Variants in ENTPD8 observed in about 807,000 individuals in gnomAD.
ENTPD8 encodes the protein ectonucleoside triphosphate diphosphohydrolase 8, also known as E-NTPDase 8.
In ENTPD8, 35 loss-of-function variants were observed where a neutral mutation model predicts 47.0. That is an observed-to-expected ratio of 0.75 (90% CI 0.57 to 0.99). ENTPD8 has a LOEUF of 0.99. Among genes scored for constraint, ENTPD8 ranks in the 50% least tolerant of loss-of-function variants. The pLI is 0.00. For missense variants in ENTPD8, 668 were observed against 649.9 expected (o/e 1.03, Z -0.30); for synonymous variants, 308 against 290.5 (o/e 1.06, Z -0.61).
In ENTPD8 at chr9:137,436,747, G is replaced by A. The variant is rs1839374470; in HGVS notation, c.560C>T (p.Ser187Phe). ...AGGCTGGATCCATTCTCCAGTGAAG[G>A]AGTACTGGGCACAGAAGGGGCCACT... ...NYGLGTLVKY[S>F]FTGEWIQPPE... The change falls in exon 6 of 10, where the codon TCC becomes TTC. Residue 187 changes from serine (S) to phenylalanine (F), a missense_variant. Ser to Phe is a radical substitution (Grantham distance 155). Coordinates refer to ENST00000371506, the MANE Select transcript of ENTPD8 (RefSeq NM_001033113.2). 1 of 1,605,260 alleles carries A rather than the reference G, an allele frequency of 6.2e-7. No individual in the cohort carries two copies. Among genetic ancestry groups the A allele is most frequent in the Non-Finnish European group, 8.5e-7 (1 of 1,176,070 alleles).
rs1398420058 is a variant in ENTPD8, at chr9:137,438,096, G to A, written c.127-12C>T. ...AACACGATCCCAAACTGGGGAGACA[G>A]TGGGATGAGTGGGAGGCAACACCTG... is the stretch of plus-strand genomic sequence containing the variant. On this transcript the variant is annotated splice_polypyrimidine_tract_variant and intron_variant, in intron 2 of 9. Coordinates refer to ENST00000371506, the MANE Select transcript of ENTPD8 (RefSeq NM_001033113.2). The surrounding 1 kb of genome is among the most constrained non-coding windows in gnomAD (Gnocchi z 5.7). 1 of 1,612,468 alleles carries A rather than the reference G, an allele frequency of 6.2e-7. No individual in the cohort carries two copies.
chr9:137,436,548 C>G lies in ENTPD8; in HGVS notation c.759G>C (p.Leu253=). The G allele has an allele frequency of 6.2e-7, 1 of 1,611,114 alleles. No individual in the cohort carries two copies. The highest frequency in any genetic ancestry group is 8.5e-7 in the Non-Finnish European group (1 of 1,179,460). Reference sequence around the variant, plus strand: ...GTACCAGCCCCACGAGGAGCCTGCTCAGCATCTGGTCCCGTCCAAAGCACA... The same window carrying G: ...GTACCAGCCCCACGAGGAGCCTGCTGAGCATCTGGTCCCGTCCAAAGCACA... ...SYLCFGRDQM[L]SRLLVGLVQS... The change falls in exon 6 of 10, where the codon CTG becomes CTC. Residue 253 remains leucine, a synonymous_variant. Coordinates refer to ENST00000371506, the MANE Select transcript of ENTPD8 (RefSeq NM_001033113.2).
chr9:137,434,851 A>T lies in ENTPD8; in HGVS notation c.*63T>A. 6.7e-7 allele frequency: 1 copy of T among 1,498,536 alleles called. No individual in the cohort carries two copies. The highest frequency in any genetic ancestry group is 8.9e-7 in the Non-Finnish European group (1 of 1,121,984). 92.8% of individuals were successfully genotyped at this position (1,498,536 alleles called of 1,614,324 possible). A position where few individuals can be genotyped will look rare whatever the true frequency, so the allele number is the denominator to read the frequency against. ...GCCCCACGGCGCTCAGGGCTCAGGA[A>T]GCCTCCAGCATCCGGGACGCAGCTG... On this transcript the variant is annotated 3_prime_UTR_variant, in exon 10 of 10. Transcript: ENST00000371506.
chr9:137,435,773 G>T lies in ENTPD8; in HGVS notation c.1107C>A (p.Pro369=). ...AGATGGTGGCGTTGACCGTGCTCAG[G>T]GGCTGCCTGGAGGTGAGGTTCAGGA... The part of the protein sequence containing the change: ...FHFLNLTSRQ[P]LSTVNATIWE... Residue 369 remains proline (P), a synonymous_variant, in exon 8 of 10, where the codon CCC becomes CCA. Transcript: ENST00000371506. 1 of 1,613,626 alleles carries T rather than the reference G, an allele frequency of 6.2e-7. No individual in the cohort carries two copies. Among genetic ancestry groups the T allele is most frequent in the South Asian group, 1.1e-5 (1 of 91,020 alleles).
In ENTPD8 at chr9:137,437,327, G is replaced by A. The variant is rs762446766; in HGVS notation, c.245-18C>T. The A allele has an allele frequency of 6.2e-7, 1 of 1,604,958 alleles. No homozygotes were observed. Among genetic ancestry groups the A allele is most frequent in the Non-Finnish European group, 8.5e-7 (1 of 1,175,020 alleles). ...TCCAGGCCCTGGAACAGCAGCCGGGGACAGAGCTCCAGACCCCGCAGGCTG... is the reference window on the plus strand; with the variant it reads ...TCCAGGCCCTGGAACAGCAGCCGGGAACAGAGCTCCAGACCCCGCAGGCTG... On this transcript the variant is annotated intron_variant, in intron 3 of 9. Transcript: ENST00000371506.
Position 137,435,265 on chromosome 9 carries a change from AG to A in ENTPD8, c.1234del (p.Leu412SerfsTer35), listed in dbSNP as rs1839310055. Reference protein sequence around the residue: ...YCASGLYILTLLHEGYGFSEE... With the variant: ...YCASGLYILTXLHEGYGFSEE... ...GCTGAACCCGTAGCCCTCGTGCAGG[AG>A]GGTGAGGATGTACAGGCCTGAGGCA... On this transcript the variant is annotated frameshift_variant, in exon 9 of 10. Coordinates refer to ENST00000371506, the MANE Select transcript of ENTPD8 (RefSeq NM_001033113.2). LOFTEE classifies it high-confidence loss of function. 2 of 1,612,378 alleles carry A rather than the reference AG, an allele frequency of 1.2e-6. No homozygotes were observed. Among genetic ancestry groups the A allele is most frequent in the African/African-American group, 2.7e-5 (2 of 74,900 alleles).
At position 137,434,637 on chromosome 9, in the gene ENTPD8, C is replaced by A; in HGVS notation, c.*277G>T. The A allele has an allele frequency of 1.7e-6, 1 of 593,976 alleles. No individual in the cohort carries two copies. The highest frequency in any genetic ancestry group is 2.9e-6 in the Non-Finnish European group (1 of 344,210). The allele number at this position is 593,976 out of a possible 1,614,324, so 36.8% of individuals were successfully genotyped here. On this transcript the variant is annotated 3_prime_UTR_variant, in exon 10 of 10. Coordinates refer to ENST00000371506, the MANE Select transcript of ENTPD8 (RefSeq NM_001033113.2). Reference sequence around the variant, plus strand: ...AGCATGTGGCCCTGCAGTCACACAGCCTGGAGACACCACGAGTCCTGGCGG... The same window carrying A: ...AGCATGTGGCCCTGCAGTCACACAGACTGGAGACACCACGAGTCCTGGCGG...
chr9:137,435,670 G>T, intron 8 of ENTPD8, 49 bp downstream of exon 8: 1 of 1,539,268 alleles, frequency 6.5e-7, no homozygotes, highest in Non-Finnish European at 9.0e-7. Context: ...AGGCAGCCCT[G>T]TACCCTCAGG....
At chr9:137,437,944 G>C (rs200099005) in intron 3 of ENTPD8, 23 bp downstream of exon 3, 28 of 1,591,638 alleles carry the variant, frequency 1.8e-5, no homozygotes, top group Non-Finnish European at 2.1e-5. Flanking sequence ...TCCCAGCACC[G>C]GGCTGCAGAA....
In ENTPD8 at chr9:137,435,786, G is replaced by A; in HGVS notation, c.1094C>T (p.Thr365Ile). Residue 365 changes from threonine (T) to isoleucine (I), a missense_variant, in exon 8 of 10, where the codon ACC (threonine) becomes ATC (isoleucine). Physicochemically the swap from Thr to Ile is moderately conservative, Grantham distance 89 (BLOSUM62 -1). Coordinates refer to ENST00000371506, the MANE Select transcript of ENTPD8 (RefSeq NM_001033113.2). ...FYYTFHFLNLTSRQPLSTVNA... is the reference protein window; with the variant it reads ...FYYTFHFLNLISRQPLSTVNA... ...GACCGTGCTCAGGGGCTGCCTGGAG[G>A]TGAGGTTCAGGAAGTGGAAGGTGTA... 6.2e-7 allele frequency: 1 copy of A among 1,613,670 alleles called. No homozygotes were observed. The highest frequency in any genetic ancestry group is 1.1e-5 in the South Asian group (1 of 91,022).
Position 137,434,432 on chromosome 9 carries a change from AG to A in ENTPD8, c.*481del, listed in dbSNP as rs1839277598. The A allele has an allele frequency of 2.0e-6, 3 of 1,485,108 alleles. No individual in the cohort carries two copies. The highest frequency in any genetic ancestry group is 1.8e-6 in the Non-Finnish European group (2 of 1,113,700). The allele number at this position is 1,485,108 out of a possible 1,614,324, so 92.0% of individuals were successfully genotyped here. Reference sequence around the variant, plus strand: ...GTCTCACCCTCCAAGTGGGTGTGGGAGGCCGGGCTGGCCCAGCAGAAGCCCC... The same window carrying A: ...GTCTCACCCTCCAAGTGGGTGTGGGAGCCGGGCTGGCCCAGCAGAAGCCCC... On this transcript the variant is annotated 3_prime_UTR_variant, in exon 10 of 10. Coordinates refer to ENST00000371506, the MANE Select transcript of ENTPD8 (RefSeq NM_001033113.2).
In ENTPD8 at chr9:137,435,240, G is replaced by T; in HGVS notation, c.1260C>A (p.Ser420Arg). The change falls in exon 9 of 10, where the codon AGC (serine) becomes AGA (arginine). Residue 420 changes from serine (S) to arginine (R), a missense_variant. Coordinates refer to ENST00000371506, the MANE Select transcript of ENTPD8 (RefSeq NM_001033113.2). ...ACTCGAGGCTGGGCCAGGTCTCCTC[G>T]CTGAACCCGTAGCCCTCGTGCAGGA... is the stretch of plus-strand genomic sequence containing the variant. The part of the protein sequence containing the change: ...LTLLHEGYGF[S>R]EETWPSLEFR... 1.9e-6 allele frequency: 3 copies of T among 1,612,114 alleles called. No homozygotes were observed. Among genetic ancestry groups the T allele is most frequent in the African/African-American group, 2.7e-5 (2 of 75,042 alleles).
rs1839419662 is a variant in ENTPD8, at chr9:137,438,103, G to A, written c.127-19C>T. 4 of 1,612,244 alleles carry A rather than the reference G, an allele frequency of 2.5e-6. No homozygotes were observed. Among genetic ancestry groups the A allele is most frequent in the Non-Finnish European group, 3.4e-6 (4 of 1,179,540 alleles). ...TCCCAAACTGGGGAGACAGTGGGATGAGTGGGAGGCAACACCTGTGGACCC... is the reference window on the plus strand; with the variant it reads ...TCCCAAACTGGGGAGACAGTGGGATAAGTGGGAGGCAACACCTGTGGACCC... On this transcript the variant is annotated intron_variant, in intron 2 of 9. Coordinates refer to ENST00000371506, the MANE Select transcript of ENTPD8 (RefSeq NM_001033113.2). The surrounding 1 kb of genome is among the most constrained non-coding windows in gnomAD (Gnocchi z 5.7).
chr9:137,435,880 G>C, intron 7 of ENTPD8, 51 bp from the exon 8 acceptor site: 1 of 1,606,264 alleles, frequency 6.2e-7, no homozygotes. Flanking sequence ...CGCTGGGCCA[G>C]ATCCACCCCA....
chr9:137,436,041 T>C lies in ENTPD8; in HGVS notation c.1022A>G (p.Tyr341Cys). The stretch of plus-strand genomic sequence containing the variant: ...GAACTGGCCCCGCAGCGGGGGCTGG[T>C]AGACCCCGTCAAAGGCGCAGTCCTC... ...GQEDCAFDGV[Y>C]QPPLRGQFYA... is the part of the protein sequence containing the mutation. The change falls in exon 7 of 10, where the codon TAC (tyrosine) becomes TGC (cysteine). Residue 341 changes from tyrosine to cysteine, a missense_variant. By Grantham distance (194) the Tyr-to-Cys change is radical (BLOSUM62 -2). Transcript: ENST00000371506. 2 of 1,612,780 alleles carry C rather than the reference T, an allele frequency of 1.2e-6. No individual in the cohort carries two copies. The highest frequency in any genetic ancestry group is 1.7e-6 in the Non-Finnish European group (2 of 1,179,936).
At chr9:137,436,463 C>G in intron 6 of ENTPD8, 58 bp downstream of exon 6, 1 of 1,526,402 alleles carries the variant, frequency 6.6e-7, no homozygotes, top group Non-Finnish European at 8.9e-7. Context: ...CCCACGCCAG[C>G]CCTGTGCCCA....
Position 137,434,744 on chromosome 9 carries a change from A to G in ENTPD8, c.*170T>C. ...GGGAGGGACGCCGGGAGGGGAGGTC[A>G]TGCAGCCTCTGTGGCCAGCACCACC... On this transcript the variant is annotated 3_prime_UTR_variant, in exon 10 of 10. Coordinates refer to ENST00000371506, the MANE Select transcript of ENTPD8 (RefSeq NM_001033113.2). The G allele has an allele frequency of 1.2e-6, 1 of 864,202 alleles. No homozygotes were observed. Among genetic ancestry groups the G allele is most frequent in the Non-Finnish European group, 1.7e-6 (1 of 584,788 alleles). The allele number at this position is 864,202 out of a possible 1,614,324, so 53.5% of individuals were successfully genotyped here.
Position 137,435,028 on chromosome 9 carries a change from A to C in ENTPD8, c.1374T>G (p.Ala458=). ...LTGMIPADAP[A]QWRAESYGVW... ...CGCCGTAGCTCTCTGCCCGCCACTG[A>C]GCCGGCGCATCGGCCGGGATCATCC... The change falls in exon 10 of 10, where the codon GCT becomes GCG. Residue 458 remains alanine (A), a synonymous_variant. Transcript: ENST00000371506. The C allele has an allele frequency of 6.2e-7, 1 of 1,612,816 alleles. No homozygotes were observed. The highest frequency in any genetic ancestry group is 1.1e-5 in the South Asian group (1 of 91,060).
At position 137,434,707 on chromosome 9, in the gene ENTPD8, G is replaced by T. The variant is rs1436518631; in HGVS notation, c.*207C>A. 2 of 688,254 alleles carry T rather than the reference G, an allele frequency of 2.9e-6. No individual in the cohort carries two copies. Among genetic ancestry groups the T allele is most frequent in the Non-Finnish European group, 4.7e-6 (2 of 426,084 alleles). The allele number at this position is 688,254 out of a possible 1,614,324, so 42.6% of individuals were successfully genotyped here. A position where few individuals can be genotyped will look rare whatever the true frequency, so the allele number is the denominator to read the frequency against. Reference sequence around the variant, plus strand: ...CTACGGCCCTGGAAGCCCAGTTGCGGAAGGAGGTTGGGGGAGGGACGCCGG... The same window carrying T: ...CTACGGCCCTGGAAGCCCAGTTGCGTAAGGAGGTTGGGGGAGGGACGCCGG... On this transcript the variant is annotated 3_prime_UTR_variant, in exon 10 of 10. Transcript: ENST00000371506.
Sources: allele counts gnomAD v4.1 joint callset, GRCh38; gene constraint gnomAD v4.1.1; non-coding constraint Gnocchi (gnomAD v3.1); transcripts MANE v1.5; gene names NCBI Gene and HGNC (gene_info 2026-07-23, HGNC 2026-07-21).